COL6A3: variants seen among roughly 807,000 people sequenced by gnomAD.
COL6A3 encodes collagen type VI alpha 3 chain, also known as collagen alpha-3(VI) chain.
A neutral mutation model predicts 274.1 loss-of-function variants in COL6A3; 137 were observed. That is an observed-to-expected ratio of 0.50 (90% confidence interval 0.44 to 0.58). The LOEUF is 0.58. COL6A3 is among the 20% of genes least tolerant of loss of function. COL6A3 has a pLI of 0.00. For missense variants in COL6A3, 3,950 were observed against 4,124.9 expected, an observed-to-expected ratio of 0.96 and a Z score of 1.16; for synonymous variants, 1,650 against 1,650.6, an observed-to-expected ratio of 1.00 and a Z score of 0.01.
At position 237,364,818 on chromosome 2, in the gene COL6A3, T is replaced by TGG; in HGVS notation, c.5839-391_5839-390insCC. On this transcript the variant is annotated intron_variant, in intron 12 of 43. Coordinates refer to ENST00000295550, the MANE Select transcript of COL6A3 (RefSeq NM_004369.4). The surrounding 1 kb of genome is among the most constrained non-coding windows in gnomAD (Gnocchi z 4.6). ...TTGTGTGTGCATGTGTGTGCACGTG[T>TGG]GTGTGCATGTGTGGGTGTGTGGGTG... 7.9e-6 allele frequency among the ~76,000 whole-genome samples: 1 copy of TGG among 125,792 alleles called. No individual in the cohort carries two copies. Among genetic ancestry groups the TGG allele is most frequent in the African/African-American group, 2.7e-5 (1 of 36,736 alleles). The allele number at this position is 125,792 out of a possible 152,430, so 82.5% of individuals were successfully genotyped here. A position where few individuals can be genotyped will look rare whatever the true frequency, so the allele number is the denominator to read the frequency against.
chr2:237,408,850 CA>C (rs1440684683), intron 1 of COL6A3, among the ~76,000 whole-genome samples: 4 of 152,168 alleles, frequency 2.6e-5, no homozygotes, highest in Non-Finnish European at 5.9e-5. Flanking sequence ...GAAGGTTTGG[CA>C]GAACTTTTCG....
chr2:237,393,671 G>A (rs1036373621), intron 3 of COL6A3, among the ~76,000 whole-genome samples: 13 of 152,232 alleles, frequency 8.5e-5, no homozygotes, highest in Non-Finnish European at 1.9e-4. Context: ...TCTGCCCATC[G>A]CTGATGAGTA....
chr2:237,344,144 C>T lies in COL6A3; in HGVS notation c.7668+206G>A, dbSNP rs2077049233. The T allele has an allele frequency of 1.4e-6, 1 of 730,932 alleles. No individual in the cohort carries two copies. The highest frequency in any genetic ancestry group is 2.4e-6 in the Non-Finnish European group (1 of 415,716). The allele number at this position is 730,932 out of a possible 1,614,324, so 45.3% of individuals were successfully genotyped here. A position where few individuals can be genotyped will look rare whatever the true frequency, so the allele number is the denominator to read the frequency against. ...TGTGAGGAGGGACCTGGGGGCAGTG[C>T]TACAAGCATGTAGGCGTCCCTGTAG... On this transcript the variant is annotated intron_variant, in intron 36 of 43. Coordinates refer to ENST00000295550, the MANE Select transcript of COL6A3 (RefSeq NM_004369.4). The surrounding 1 kb of genome is among the most constrained non-coding windows in gnomAD (Gnocchi z 4.8).
intron 6 of COL6A3, among the ~76,000 whole-genome samples, chr2:237,378,278 G>C (rs1405831912): frequency 6.6e-6 from 1 of 152,070 alleles, no homozygotes; most frequent in African/African-American, 2.4e-5. Context: ...TAATCCCAAG[G>C]CATATTCATG....
At chr2:237,358,469 C>A in intron 21 of COL6A3, 52 bp downstream of exon 21, 3 of 1,458,216 alleles carry the variant, frequency 2.1e-6, no homozygotes, top group Non-Finnish European at 1.9e-6. Context: ...CCTTTCCCAA[C>A]AACCCTCTTC....
intron 42 of COL6A3, chr2:237,329,908 A>C (rs1056478896): frequency 6.6e-6 from 1 of 152,246 alleles, no homozygotes; most frequent in East Asian, 1.9e-4. Context: ...TGGTTCCTTC[A>C]GGGCTATACA....
intron 5 of COL6A3, among the ~76,000 whole-genome samples, chr2:237,380,617 C>T (rs2077977337): frequency 6.6e-6 from 1 of 152,200 alleles, no homozygotes; most frequent in South Asian, 2.1e-4. Context: ...AGGGATCTGA[C>T]AAGCGATAAG....
At chr2:237,326,886 G>A (rs1381867640) in intron 42 of COL6A3, 1 of 152,232 alleles carries the variant, frequency 6.6e-6, no homozygotes, top group Non-Finnish European at 1.5e-5. Context: ...AAGGTGCACA[G>A]GACTGAGGCT....
intron 3 of COL6A3, among the ~76,000 whole-genome samples, chr2:237,393,635 T>C (rs187582390): frequency 6.9e-4 from 105 of 152,300 alleles, no homozygotes; most frequent in Non-Finnish European, 1.4e-3. Flanking sequence ...ATGGACTCAT[T>C]TTCTAACAAG....
intron 32 of COL6A3, among the ~76,000 whole-genome samples, chr2:237,345,835 C>A (rs975092107): frequency 6.6e-6 from 1 of 152,190 alleles, no homozygotes; most frequent in Non-Finnish European, 1.5e-5. Context: ...GCAATCAGAC[C>A]CACCTGACCA....
chr2:237,348,543 A>G, intron 29 of COL6A3, 70 bp downstream of exon 29: 2 of 1,487,748 alleles, frequency 1.3e-6, no homozygotes, highest in Non-Finnish European at 1.9e-6. Flanking sequence ...TTAAAACACA[A>G]CACATCAGAA....
rs941798387 is a variant in COL6A3 at position 237,368,351 on chromosome 2, G to A, written c.4900+212C>T. Among the ~76,000 whole-genome samples the A allele has an allele frequency of 4.6e-5, 7 of 152,212 alleles. No individual in the cohort carries two copies. The highest frequency in any genetic ancestry group is 1.7e-4 in the African/African-American group (7 of 41,460). On this transcript the variant is annotated intron_variant, in intron 10 of 43. Coordinates refer to ENST00000295550, the MANE Select transcript of COL6A3 (RefSeq NM_004369.4). The surrounding 1 kb of genome is among the most constrained non-coding windows in gnomAD (Gnocchi z 4.4). ...CAACACTGCAGAACCTTTCAATGGG[G>A]CTATGATTAGTCTCAGGAGTGATGG... is the stretch of plus-strand genomic sequence containing the variant.
intron 3 of COL6A3, among the ~76,000 whole-genome samples, chr2:237,391,684 C>CTGGCTAAT (rs2078293117): frequency 6.6e-6 from 1 of 152,142 alleles, no homozygotes. Context: ...ACCACCACAC[C>CTGGCTAAT]TGGCTAATTT....
rs1271500443 is a variant in COL6A3 at position 237,366,839 on chromosome 2, G to A, written c.5348C>T (p.Ser1783Leu). ...VFAVGVRNID[S>L]EEVGKIASNS... ...GGACGCTATCTTTCCAACCTCCTCC[G>A]AGTCGATATTCCTCACTCCAACAGC... The change falls in exon 11 of 44, where the codon TCG (serine) becomes TTG (leucine). Residue 1783 changes from serine (S) to leucine (L), a missense_variant. Around this residue, in one of 5 missense-constraint regions of COL6A3, gnomAD observed 632 missense variants for 623.4 expected, o/e 1.01. Transcript: ENST00000295550. The A allele has an allele frequency of 7.4e-6, 12 of 1,614,118 alleles. No individual in the cohort carries two copies. The highest frequency in any genetic ancestry group is 2.2e-5 in the East Asian group (1 of 44,900).
chr2:237,410,011 A>G (rs1404379168), intron 1 of COL6A3, among the ~76,000 whole-genome samples: 1 of 152,240 alleles, frequency 6.6e-6, no homozygotes, highest in East Asian at 1.9e-4. Flanking sequence ...GCAGAGAAGA[A>G]AAACAAAGCT....
chr2:237,327,392 C>T (rs1373124475), intron 42 of COL6A3: 2 of 152,428 alleles, frequency 1.3e-5, no homozygotes, highest in African/African-American at 4.8e-5. Context: ...CACGAGAGGT[C>T]TGCCCAGAGC....
Position 237,376,934 on chromosome 2 carries a change from G to A in COL6A3, c.2908C>T (p.Pro970Ser), listed in dbSNP as rs1226873582. 7 of 1,614,050 alleles carry A rather than the reference G, an allele frequency of 4.3e-6. No homozygotes were observed. The highest frequency in any genetic ancestry group is 5.9e-6 in the Non-Finnish European group (7 of 1,180,034). The change falls in exon 7 of 44, where the codon CCT becomes TCT. Residue 970 changes from proline to serine, a missense_variant. Around this residue, in one of 5 missense-constraint regions of COL6A3, gnomAD observed 1,934 missense variants for 1,984.3 expected, o/e 0.97. Transcript: ENST00000295550. ...ASNLKQSGVV[P>S]FIFQAKNADP... ...GCGTTCTTGGCTTGGAAGATGAAAGGCACAACCCCACTCTGCTTCAGGTTA... is the reference window on the plus strand; with the variant it reads ...GCGTTCTTGGCTTGGAAGATGAAAGACACAACCCCACTCTGCTTCAGGTTA...
At position 237,387,763 on chromosome 2, in the gene COL6A3, G is replaced by T. The variant is rs189772397; in HGVS notation, c.1131C>A (p.Phe377Leu). The T allele has an allele frequency of 1.4e-5, 23 of 1,613,960 alleles. No homozygotes were observed. Among genetic ancestry groups the T allele is most frequent in the Non-Finnish European group, 1.9e-5 (23 of 1,179,950 alleles). Residue 377 changes from phenylalanine (F) to leucine (L), a missense_variant, in exon 4 of 44, where the codon TTC (phenylalanine) becomes TTA (leucine). By Grantham distance (22) the Phe-to-Leu change is conservative (BLOSUM62 0). Coordinates refer to ENST00000295550, the MANE Select transcript of COL6A3 (RefSeq NM_004369.4). ...TGGAGGCGGCCTGGGCTCCAAGGCC[G>T]AATGAGAACACGCTAGCCTGCTTCA... ...VALKQASVFS[F>L]GLGAQAASRA... is the part of the protein sequence containing the mutation.
intron 4 of COL6A3, among the ~76,000 whole-genome samples, chr2:237,384,701 C>T (rs2078100934): frequency 6.6e-6 from 1 of 152,122 alleles, no homozygotes; most frequent in Non-Finnish European, 1.5e-5. Context: ...CAGCCCTCTG[C>T]CACTGCCTCC....
Sources: gnomAD v4.1 joint callset for allele counts (sites outside exome capture counted in the v4.1 genomes callset) on GRCh38, gnomAD v4.1.1 for gene constraint, gnomAD v4.1.1 regional missense constraint, Gnocchi (gnomAD v3.1) non-coding constraint, MANE v1.5 for transcripts, NCBI Gene and HGNC (gene_info 2026-07-23, HGNC 2026-07-21) for gene names.